Variants in FAAH2 observed in about 807,000 individuals in gnomAD.
FAAH2 encodes fatty-acid amide hydrolase 2.
In FAAH2, 60 loss-of-function variants were observed where a neutral mutation model predicts 36.9. That is an observed-to-expected ratio of 1.63 (90% confidence interval 1.32 to 2.02). FAAH2 has a LOEUF of 2.02. Among genes scored for constraint, FAAH2 ranks in the 30% most tolerant of loss-of-function variants. The pLI is 0.00. For synonymous variants in FAAH2, 214 were observed against 143.8 expected, an observed-to-expected ratio of 1.49 and a Z score of -3.49; for missense variants, 689 against 397.5, an observed-to-expected ratio of 1.73 and a Z score of -6.23.
chrX:57,457,938 C>G (rs2056890434), intron 10 of FAAH2, among the ~76,000 whole-genome samples: 1 of 111,587 alleles, frequency 9.0e-6, no homozygotes, highest in Admixed American at 9.5e-5. Context: ...CAAAATTTGA[C>G]AAAATTATTT....
chrX:57,226,205 G>T, the FAAH2 span, among the ~76,000 whole-genome samples: 1 of 111,588 alleles, frequency 9.0e-6, no homozygotes, highest in South Asian at 3.7e-4. Flanking sequence ...CTTTGTTTTT[G>T]TTGTTGTTGT....
At chrX:57,449,577 C>A (rs1420594644) in intron 10 of FAAH2, among the ~76,000 whole-genome samples, 2 of 111,008 alleles carry the variant, frequency 1.8e-5, no homozygotes, top group African/African-American at 6.6e-5. Flanking sequence ...ATTAAACAGT[C>A]CCTATCCTTA....
the FAAH2 span, among the ~76,000 whole-genome samples, chrX:57,151,089 C>T: frequency 8.9e-6 from 1 of 112,227 alleles, no homozygotes; most frequent in Non-Finnish European, 1.9e-5. Flanking sequence ...AATATTGGCC[C>T]CCACTCTCTT....
At chrX:57,485,268 C>A (rs890187334) in intron 10 of FAAH2, among the ~76,000 whole-genome samples, 2 of 111,378 alleles carry the variant, frequency 1.8e-5, no homozygotes, top group Non-Finnish European at 3.8e-5. Flanking sequence ...GTGTCAGGGG[C>A]AAAGTTAGTG....
At chrX:57,261,882 T>C in the FAAH2 span, among the ~76,000 whole-genome samples, 2 of 111,237 alleles carry the variant, frequency 1.8e-5, no homozygotes, top group Non-Finnish European at 3.8e-5. Flanking sequence ...TTGCTGGTGA[T>C]GTTGCAAGAA....
At chrX:57,214,701 A>T in the FAAH2 span, among the ~76,000 whole-genome samples, 2 of 111,935 alleles carry the variant, frequency 1.8e-5, no homozygotes, top group Non-Finnish European at 3.8e-5. Flanking sequence ...AGTATGATAC[A>T]TGAAGCATTA....
the FAAH2 span, among the ~76,000 whole-genome samples, chrX:57,156,250 G>A: frequency 1.8e-5 from 2 of 111,766 alleles, no homozygotes; most frequent in Non-Finnish European, 3.8e-5. Flanking sequence ...AGCTTCTATG[G>A]TAAAATCTCT....
At chrX:57,446,346 T>G (rs751157844) in intron 8 of FAAH2, among the ~76,000 whole-genome samples, 13 of 112,136 alleles carry the variant, frequency 1.2e-4, no homozygotes, top group African/African-American at 4.2e-4. Flanking sequence ...AATTTGGTGT[T>G]CTTGCAAGGA....
At chrX:57,485,833 G>T (rs897556606) in intron 10 of FAAH2, among the ~76,000 whole-genome samples, 2 of 111,662 alleles carry the variant, frequency 1.8e-5, no homozygotes, top group East Asian at 2.8e-4. Flanking sequence ...ATGTGTTTGG[G>T]TACATGGCCA....
chrX:57,262,456 AAG>A, the FAAH2 span, among the ~76,000 whole-genome samples: 1 of 112,084 alleles, frequency 8.9e-6, no homozygotes, highest in South Asian at 3.7e-4. Flanking sequence ...CCTATAATTT[AAG>A]AGTTAATTAT....
At chrX:57,477,364 C>T (rs1327791347) in intron 10 of FAAH2, among the ~76,000 whole-genome samples, 1 of 110,844 alleles carries the variant, frequency 9.0e-6, no homozygotes, top group Non-Finnish European at 1.9e-5. Context: ...ATGGGTACAG[C>T]TTTTAATAAT....
the FAAH2 span, among the ~76,000 whole-genome samples, chrX:57,144,082 G>A: frequency 8.9e-6 from 1 of 111,902 alleles, no homozygotes; most frequent in African/African-American, 3.2e-5. Flanking sequence ...AACTTTGCTG[G>A]CAGTATTCTC....
At chrX:57,121,847 AC>A in the FAAH2 span, 2 of 45,223 alleles carry the variant, frequency 4.4e-5, no homozygotes, top group Non-Finnish European at 8.7e-5. Context: ...CCCCGCGCCC[AC>A]CCCCGCGCCC....
intron 10 of FAAH2, among the ~76,000 whole-genome samples, chrX:57,461,396 G>T (rs1023783338): frequency 9.0e-6 from 1 of 111,281 alleles, no homozygotes; most frequent in African/African-American, 3.3e-5. Flanking sequence ...TGACCACATA[G>T]TTGGAAGTAA....
chrX:57,158,624 C>T, the FAAH2 span, among the ~76,000 whole-genome samples: 4 of 112,313 alleles, frequency 3.6e-5, no homozygotes, highest in Non-Finnish European at 7.5e-5. Context: ...TTTAATGTGT[C>T]TGTTGGCTGC....
chrX:57,347,604 GTTTTTTTTTTTTTTTTT>G lies in FAAH2; in HGVS notation c.742+6231_742+6247del, dbSNP rs61323098. Among the ~76,000 whole-genome samples, 399 of 77,862 alleles carry G rather than the reference GTTTTTTTTTTTTTTTTT, an allele frequency of 5.1e-3. 4 individuals are homozygous for G. The highest frequency in any genetic ancestry group is 8.2e-3 in the Admixed American group (57 of 6,946). The allele number at this position is 77,862 out of a possible 115,157, so 67.6% of individuals were successfully genotyped here. A position where few individuals can be genotyped will look rare whatever the true frequency, so the allele number is the denominator to read the frequency against. On this transcript the variant is annotated intron_variant, in intron 5 of 10. Transcript: ENST00000374900. ...TTATTTGGAGGTAAGGGGATGCTAA[GTTTTTTTTTTTTTTTTT>G]TTTTTTTTTTTTTTTTGCTGTTGTT... is the stretch of plus-strand genomic sequence containing the variant.
chrX:57,458,948 C>T (rs773830203), intron 10 of FAAH2, among the ~76,000 whole-genome samples: 5 of 111,768 alleles, frequency 4.5e-5, no homozygotes, highest in African/African-American at 6.5e-5. Flanking sequence ...TTCCCAGTGG[C>T]GCCTGGAACT....
intron 7 of FAAH2, chrX:57,394,901 C>T (rs2055256234): frequency 2.7e-6 from 2 of 754,708 alleles, no homozygotes; most frequent in East Asian, 3.2e-5. Flanking sequence ...TATTTTACTG[C>T]ACCCAACCAC....
chrX:57,273,622 C>A, the FAAH2 span, among the ~76,000 whole-genome samples: 1 of 111,723 alleles, frequency 9.0e-6, no homozygotes, highest in Non-Finnish European at 1.9e-5. Flanking sequence ...GAAAACCTCA[C>A]AACTACATGG....
Sources: gnomAD v4.1 joint callset for allele counts (sites outside exome capture counted in the v4.1 genomes callset) on GRCh38, gnomAD v4.1.1 for gene constraint, MANE v1.5 for transcripts, NCBI Gene and HGNC (gene_info 2026-07-23, HGNC 2026-07-21) for gene names.